Variants in MSRB3 observed in about 807,000 individuals in gnomAD.
MSRB3 encodes the protein methionine sulfoxide reductase B3.
MSRB3 carries 13 observed loss-of-function variants against 21.0 expected under a neutral mutation model. The ratio of observed to expected loss-of-function variants is 0.62; its 90% confidence interval spans 0.40 to 0.98. The LOEUF is 0.98. MSRB3 is among the 50% of genes least tolerant of loss of function. MSRB3 has a pLI of 0.00. For missense variants in MSRB3, 199 were observed against 230.3 expected, an observed-to-expected ratio of 0.86 and a Z score of 0.88; for synonymous variants, 87 against 88.6, an observed-to-expected ratio of 0.98 and a Z score of 0.10.
At chr12:65,279,720 G>A (rs1465370284) in intron 1 of MSRB3, among the ~76,000 whole-genome samples, 1 of 152,092 alleles carries the variant, frequency 6.6e-6, no homozygotes, top group Non-Finnish European at 1.5e-5. Context: ...GAATCATGTG[G>A]GAACTGTTGG....
At chr12:65,401,161 T>G (rs904694427) in intron 5 of MSRB3, among the ~76,000 whole-genome samples, 3 of 152,302 alleles carry the variant, frequency 2.0e-5, no homozygotes, top group African/African-American at 7.2e-5. Flanking sequence ...GTCCCAAATA[T>G]CCTTGTTAAT....
At chr12:65,455,187 C>T (rs1478890445) in intron 6 of MSRB3, among the ~76,000 whole-genome samples, 1 of 150,380 alleles carries the variant, frequency 6.6e-6, no homozygotes, top group Non-Finnish European at 1.5e-5. Flanking sequence ...ATATTTACTA[C>T]CAAGTAGGGA....
intron 5 of MSRB3, among the ~76,000 whole-genome samples, chr12:65,388,578 A>G (rs1253381947): frequency 6.6e-6 from 1 of 152,214 alleles, no homozygotes; most frequent in African/African-American, 2.4e-5. Flanking sequence ...GCACTTTTAT[A>G]AAAGAAAAGA....
chr12:65,340,275 C>T (rs962512895), intron 4 of MSRB3, among the ~76,000 whole-genome samples: 2 of 151,944 alleles, frequency 1.3e-5, no homozygotes, highest in African/African-American at 4.8e-5. Context: ...GACTGGCAGA[C>T]AGCAACAGCA....
At chr12:65,407,707 T>C (rs1880491157) in intron 5 of MSRB3, among the ~76,000 whole-genome samples, 1 of 152,204 alleles carries the variant, frequency 6.6e-6, no homozygotes, top group Non-Finnish European at 1.5e-5. Context: ...TTTAAAATTA[T>C]CCCACAGTTC....
At chr12:65,437,126 A>G (rs963064966) in intron 5 of MSRB3, among the ~76,000 whole-genome samples, 1 of 151,842 alleles carries the variant, frequency 6.6e-6, no homozygotes, top group Non-Finnish European at 1.5e-5. Context: ...AGTGACAGTA[A>G]TTTTGGTATG....
chr12:65,433,514 T>C (rs959534345), intron 5 of MSRB3, among the ~76,000 whole-genome samples: 23 of 151,818 alleles, frequency 1.5e-4, no homozygotes, highest in Admixed American at 1.4e-3. Context: ...CCTCACACCA[T>C]CATGCACAGA....
At chr12:65,396,704 A>AAAAGAAAAAGAAAGAAAG (rs1879819358) in intron 5 of MSRB3, among the ~76,000 whole-genome samples, 11 of 54,134 alleles carry the variant, frequency 2.0e-4, no homozygotes, top group African/African-American at 6.7e-4. Context: ...AAAAAAAAAA[A>AAAAGAAAAAGAAAGAAAG]AAAGAAAGAA....
intron 2 of MSRB3, among the ~76,000 whole-genome samples, chr12:65,318,038 G>A (rs145470795): frequency 2.2e-4 from 33 of 152,162 alleles, no homozygotes; most frequent in Admixed American, 1.5e-3. Flanking sequence ...ATGTCTTCCC[G>A]TGTCAGGGCA....
chr12:65,408,586 C>G lies in MSRB3; in HGVS notation c.292+39560C>G, dbSNP rs184459158. Among the ~76,000 whole-genome samples, 49 of 152,210 alleles carry G rather than the reference C, an allele frequency of 3.2e-4. No individual in the cohort carries two copies. In the East Asian group the frequency reaches 8.9e-3, roughly 28 times the overall value. ...TAATCTTTTGTTATTATACAGGAGC[C>G]CTTCTGATCTTGTGGTAAGATATGG... On this transcript the variant is annotated intron_variant, in intron 5 of 6. Transcript: ENST00000308259.
chr12:65,355,223 T>A (rs1429756517), intron 4 of MSRB3, among the ~76,000 whole-genome samples: 3 of 151,656 alleles, frequency 2.0e-5, no homozygotes. Context: ...CAGTATTCCG[T>A]TTTTTGGATT....
In MSRB3 at chr12:65,278,784, A is replaced by G. The variant is rs2136375605; in HGVS notation, c.-133A>G. 6.4e-7 allele frequency: 1 copy of G among 1,572,886 alleles called. No homozygotes were observed. The highest frequency in any genetic ancestry group is 1.2e-5 in the South Asian group (1 of 85,640). ...TGGCCTTTCCATGAGCCCGCGGCGGACCCTCCCGCGCCCCCTCTCGCTCTG... is the reference window on the plus strand; with the variant it reads ...TGGCCTTTCCATGAGCCCGCGGCGGGCCCTCCCGCGCCCCCTCTCGCTCTG... On this transcript the variant is annotated 5_prime_UTR_variant, in exon 1 of 7. Coordinates refer to ENST00000308259, the MANE Select transcript of MSRB3 (RefSeq NM_001031679.3).
chr12:65,328,153 T>C (rs2136453067), intron 3 of MSRB3, among the ~76,000 whole-genome samples: 1 of 152,342 alleles, frequency 6.6e-6, no homozygotes, highest in East Asian at 1.9e-4. Context: ...ACTTGAAGTC[T>C]TGGACCCTTC....
chr12:65,452,236 G>A (rs1041714132), intron 5 of MSRB3, among the ~76,000 whole-genome samples: 1 of 152,082 alleles, frequency 6.6e-6, no homozygotes, highest in African/African-American at 2.4e-5. Flanking sequence ...GCAATTAAAT[G>A]AGTTATGCCC....
intron 4 of MSRB3, among the ~76,000 whole-genome samples, chr12:65,340,859 T>A (rs1343371847): frequency 6.6e-6 from 1 of 151,870 alleles, no homozygotes; most frequent in African/African-American, 2.4e-5. Context: ...AAAAATAAAA[T>A]AATATACAAA....
At position 65,342,153 on chromosome 12, in the gene MSRB3, T is replaced by C. The variant is rs1312280786; in HGVS notation, c.263+13550T>C. On this transcript the variant is annotated intron_variant, in intron 4 of 6. Coordinates refer to ENST00000308259, the MANE Select transcript of MSRB3 (RefSeq NM_001031679.3). ...AAAGATAAAAGACATTGGATTGGAC[T>C]ACTAAATATTTTACTTTTCTATAGC... Among the ~76,000 whole-genome samples the C allele has an allele frequency of 4.6e-5, 7 of 151,752 alleles. No homozygotes were observed. The East Asian group carries it at 1.4e-3, about 29-fold the overall frequency.
intron 1 of MSRB3, among the ~76,000 whole-genome samples, chr12:65,282,984 T>C (rs1872129708): frequency 6.6e-6 from 1 of 152,242 alleles, no homozygotes; most frequent in African/African-American, 2.4e-5. Flanking sequence ...TGATAACAAC[T>C]AATTCACTCT....
chr12:65,363,375 G>C (rs1444413389), intron 4 of MSRB3, among the ~76,000 whole-genome samples: 1 of 152,062 alleles, frequency 6.6e-6, no homozygotes, highest in Non-Finnish European at 1.5e-5. Flanking sequence ...AGGATAAAAT[G>C]GTAGTTTTAT....
chr12:65,306,974 G>A (rs1208794946), intron 1 of MSRB3: 11 of 985,766 alleles, frequency 1.1e-5, no homozygotes, highest in Non-Finnish European at 1.2e-5. Flanking sequence ...AACAGAATAG[G>A]AAGACGTTTT....
Sources: gnomAD v4.1 joint callset for allele counts (sites outside exome capture counted in the v4.1 genomes callset) on GRCh38, gnomAD v4.1.1 for gene constraint, MANE v1.5 for transcripts, NCBI Gene and HGNC (gene_info 2026-07-23, HGNC 2026-07-21) for gene names.